Variants in IARS1 observed in about 807,000 individuals in gnomAD.
The protein encoded by IARS1 is isoleucyl-tRNA synthetase 1, also known as isoleucine--tRNA ligase, cytoplasmic.
Under a neutral mutation model 168.2 loss-of-function variants are expected in IARS1, and 124 were observed. The ratio of observed to expected loss-of-function variants is 0.74; its 90% CI spans 0.64 to 0.86. The LOEUF is 0.86. Ranked by LOEUF, IARS1 falls within the 40% of genes least tolerant of loss-of-function variation. The pLI is 0.00. For synonymous variants in IARS1, 532 were observed against 529.4 expected (o/e 1.00, Z -0.07); for missense variants, 1,452 against 1,515.8 (o/e 0.96, Z 0.70).
chr9:92,252,440 G>T, intron 21 of IARS1: 1 of 506,278 alleles, frequency 2.0e-6, no homozygotes, highest in South Asian at 1.4e-5. Flanking sequence ...TGAAATTACA[G>T]TTGTGTTGCA....
intron 31 of IARS1, among the ~76,000 whole-genome samples, chr9:92,226,478 G>A (rs1049537127): frequency 2.0e-5 from 3 of 152,156 alleles, no homozygotes; most frequent in Admixed American, 6.5e-5. Context: ...AAAAGTTTCT[G>A]AAAATGAGCA....
chr9:92,279,673 CA>C (rs200654303), intron 7 of IARS1, among the ~76,000 whole-genome samples: 4,515 of 152,288 alleles, frequency 0.03, 102 homozygotes, highest in South Asian at 0.079. Flanking sequence ...TTTTAAAAAT[CA>C]TGGTAACCAT....
In IARS1 at chr9:92,247,673, T is replaced by G. The variant is rs552361231; in HGVS notation, c.2617-122A>C. 20 of 786,300 alleles carry G rather than the reference T, an allele frequency of 2.5e-5. No homozygotes were observed. The East Asian group carries it at 4.8e-4, about 19-fold the overall frequency. The allele number at this position is 786,300 out of a possible 1,614,324, so 48.7% of individuals were successfully genotyped here. A position where few individuals can be genotyped will look rare whatever the true frequency, so the allele number is the denominator to read the frequency against. ...AAAGCAAGAACACTTCAAGTGTCCA[T>G]CAACTGTGAATGGATAAACAAAATG... On this transcript the variant is annotated intron_variant, in intron 25 of 33. Coordinates refer to ENST00000443024, the MANE Select transcript of IARS1 (RefSeq NM_002161.6).
At position 92,259,601 on chromosome 9, in the gene IARS1, C is replaced by T. The variant is rs531385047; in HGVS notation, c.1871+550G>A. Among the ~76,000 whole-genome samples the T allele has an allele frequency of 2.0e-5, 3 of 152,270 alleles. No homozygotes were observed. The South Asian group carries it at 6.2e-4, about 32-fold the overall frequency. ...GGTACTGTGTGAAGGTGCTGAGTCACAGGCCTGGGCACTGGTCTCATGCCT... is the reference window on the plus strand; with the variant it reads ...GGTACTGTGTGAAGGTGCTGAGTCATAGGCCTGGGCACTGGTCTCATGCCT... On this transcript the variant is annotated intron_variant, in intron 18 of 33. Coordinates refer to ENST00000443024, the MANE Select transcript of IARS1 (RefSeq NM_002161.6).
intron 15 of IARS1, 69 bp from the exon 16 acceptor site, chr9:92,265,192 T>C (rs1035050679): frequency 6.1e-6 from 8 of 1,316,902 alleles, no homozygotes; most frequent in African/African-American, 3.0e-5. Flanking sequence ...TAATTGCTAA[T>C]AGGAAACACA....
intron 31 of IARS1, among the ~76,000 whole-genome samples, chr9:92,227,476 G>A (rs1288025544): frequency 3.4e-5 from 5 of 149,014 alleles, no homozygotes; most frequent in African/African-American, 1.2e-4. Flanking sequence ...GGCTGGCCAG[G>A]CAGAGAGGCT....
At chr9:92,283,846 G>T (rs947230462) in intron 6 of IARS1, among the ~76,000 whole-genome samples, 3 of 152,058 alleles carry the variant, frequency 2.0e-5, no homozygotes, top group Admixed American at 2.0e-4. Flanking sequence ...ATGAACTGAT[G>T]ATGTTCAGGA....
rs1397964495 is a variant in IARS1 at position 92,285,851 on chromosome 9, T to A, written c.480-12A>T. On this transcript the variant is annotated splice_polypyrimidine_tract_variant and intron_variant, in intron 5 of 33. Transcript: ENST00000443024. ...GTTTGAAGACCCACCTGGTAAGAGA[T>A]GGAGTTTCACAATTACAGAACAAAA... 1 of 1,436,102 alleles carries A rather than the reference T, an allele frequency of 7.0e-7. No individual in the cohort carries two copies. Among genetic ancestry groups the A allele is most frequent in the African/African-American group, 1.4e-5 (1 of 71,324 alleles). 89.0% of individuals were successfully genotyped at this position (1,436,102 alleles called of 1,614,324 possible).
At chr9:92,287,049 C>T (rs566407216) in intron 4 of IARS1, among the ~76,000 whole-genome samples, 1 of 152,282 alleles carries the variant, frequency 6.6e-6, no homozygotes, top group Admixed American at 6.5e-5. Flanking sequence ...GCACTTTAAC[C>T]AAGTGAACAA....
chr9:92,280,463 A>G (rs1472440920), intron 7 of IARS1, among the ~76,000 whole-genome samples: 1 of 152,158 alleles, frequency 6.6e-6, no homozygotes, highest in African/African-American at 2.4e-5. Flanking sequence ...TGAATCTTAG[A>G]TTCTTCATCT....
At chr9:92,229,261 ATGTG>A in intron 30 of IARS1, 135 bp from the exon 31 acceptor site, 4 of 686,540 alleles carry the variant, frequency 5.8e-6, no homozygotes, top group Non-Finnish European at 9.6e-6. Context: ...CACTATATAT[ATGTG>A]TATATATAGC....
chr9:92,267,436 A>G (rs1386847568), intron 14 of IARS1, among the ~76,000 whole-genome samples: 1 of 152,228 alleles, frequency 6.6e-6, no homozygotes, highest in Non-Finnish European at 1.5e-5. Flanking sequence ...AAACACACAG[A>G]TCTATCTGTA....
At chr9:92,254,758 C>T (rs973898377) in intron 20 of IARS1, among the ~76,000 whole-genome samples, 1 of 152,286 alleles carries the variant, frequency 6.6e-6, no homozygotes, top group South Asian at 2.1e-4. Context: ...GCAGCCACTA[C>T]CCAGGCCACC....
In IARS1 at chr9:92,249,012, T is replaced by C. The variant is rs183104098; in HGVS notation, c.2616+846A>G. On this transcript the variant is annotated intron_variant, in intron 25 of 33. Transcript: ENST00000443024. Reference sequence around the variant, plus strand: ...ACCCCAAAACTCCACTTCTGGAATCTATCCAATATCCATACACTGATATAT... The same window carrying C: ...ACCCCAAAACTCCACTTCTGGAATCCATCCAATATCCATACACTGATATAT... 1.6e-3 allele frequency among the ~76,000 whole-genome samples: 251 copies of C among 152,344 alleles called. 2 individuals are homozygous for C. The highest frequency in any genetic ancestry group is 2.4e-3 in the Non-Finnish European group (166 of 68,036).
intron 6 of IARS1, among the ~76,000 whole-genome samples, chr9:92,284,048 T>C (rs1226448144): frequency 6.6e-6 from 1 of 152,000 alleles, no homozygotes; most frequent in African/African-American, 2.4e-5. Context: ...TATGGTGGTA[T>C]GTTCCTGTAG....
In IARS1 at chr9:92,270,040, G is replaced by GT. The variant is rs1391824927; in HGVS notation, c.1206-58dup. Reference sequence around the variant, plus strand: ...CAGGCTGAGACTAGTAGGCACTACGGTAAGACTGACTTTTCATGTCTTATT... The same window carrying GT: ...CAGGCTGAGACTAGTAGGCACTACGGTTAAGACTGACTTTTCATGTCTTATT... On this transcript the variant is annotated intron_variant, in intron 12 of 33. Coordinates refer to ENST00000443024, the MANE Select transcript of IARS1 (RefSeq NM_002161.6). 3.8e-6 allele frequency: 4 copies of GT among 1,066,516 alleles called. No homozygotes were observed. The East Asian group carries it at 9.5e-5, about 25-fold the overall frequency. The allele number at this position is 1,066,516 out of a possible 1,614,324, so 66.1% of individuals were successfully genotyped here. A position where few individuals can be genotyped will look rare whatever the true frequency, so the allele number is the denominator to read the frequency against.
rs1287562528 is a variant in IARS1 at position 92,283,960 on chromosome 9, TGCTTGAGCCCAAGA to T, written c.597+1748_597+1761del. 2.0e-5 allele frequency among the ~76,000 whole-genome samples: 3 copies of T among 151,906 alleles called. No homozygotes were observed. In the East Asian group the frequency reaches 5.9e-4, roughly 30 times the overall value. ...CTTTGGGAGGCCAAGGCGGGTGGAC[TGCTTGAGCCCAAGA>T]GTTCAAGACCAGCCCAGGCAACATG... On this transcript the variant is annotated intron_variant, in intron 6 of 33. Coordinates refer to ENST00000443024, the MANE Select transcript of IARS1 (RefSeq NM_002161.6).
chr9:92,245,952 G>T lies in IARS1; in HGVS notation c.2792-881C>A, dbSNP rs553328209. Among the ~76,000 whole-genome samples, 43 of 151,978 alleles carry T rather than the reference G, an allele frequency of 2.8e-4. No individual in the cohort carries two copies. The South Asian group carries it at 8.1e-3, about 29-fold the overall frequency. On this transcript the variant is annotated intron_variant, in intron 26 of 33. Coordinates refer to ENST00000443024, the MANE Select transcript of IARS1 (RefSeq NM_002161.6). The stretch of plus-strand genomic sequence containing the variant: ...TGGCTAATTTTGTGTGTGTGTGTGT[G>T]TTTTTAGCAGAGACGGGGTTTCACC...
At chr9:92,281,258 C>T (rs1197370839) in intron 6 of IARS1, among the ~76,000 whole-genome samples, 4 of 151,490 alleles carry the variant, frequency 2.6e-5, no homozygotes, top group Non-Finnish European at 2.9e-5. Context: ...CTCAGCCTCC[C>T]GAGTAGCTGG....
Sources: allele counts gnomAD v4.1 joint callset (sites outside exome capture counted in the v4.1 genomes callset), GRCh38; gene constraint gnomAD v4.1.1; transcripts MANE v1.5; gene names NCBI Gene and HGNC (gene_info 2026-07-23, HGNC 2026-07-21).